The following RBM5 variants were observed in gnomAD, a reference collection of about 807,000 sequenced individuals.
RBM5 encodes the protein RNA-binding protein 5.
RBM5 carries 15 observed loss-of-function variants against 124.6 expected under a neutral mutation model. The observed-to-expected ratio is 0.12, with a 90% confidence interval of 0.08 to 0.19. RBM5 has a LOEUF of 0.19. Ranked by LOEUF, RBM5 falls within the 10% of genes least tolerant of loss-of-function variation. RBM5 has a pLI of 1.00. For synonymous variants in RBM5, 337 were observed against 361.2 expected, an observed-to-expected ratio of 0.93 and a Z score of 0.76; for missense variants, 580 against 1,026.5, an observed-to-expected ratio of 0.57 and a Z score of 5.94.
intron 24 of RBM5, 194 bp from the exon 25 acceptor site, chr3:50,118,137 T>C (rs902355376): frequency 9.8e-6 from 7 of 712,092 alleles, no homozygotes; most frequent in East Asian, 2.8e-5. Context: ...CATCTGCCTG[T>C]GTTCCGTAGC....
rs746568331 is a variant in RBM5, at chr3:50,107,118, G to A, written c.953+254G>A. On this transcript the variant is annotated intron_variant, in intron 11 of 24. Transcript: ENST00000347869. Reference sequence around the variant, plus strand: ...TATGGCAGATGGGTTGAGAACACATGCTTTGCAAACTGCAGCAGTATAGTG... The same window carrying A: ...TATGGCAGATGGGTTGAGAACACATACTTTGCAAACTGCAGCAGTATAGTG... 5.9e-6 allele frequency: 4 copies of A among 675,480 alleles called. No individual in the cohort carries two copies. In the South Asian group the frequency reaches 6.0e-5, roughly 10 times the overall value. 41.8% of individuals were successfully genotyped at this position (675,480 alleles called of 1,614,324 possible).
intron 15 of RBM5, 158 bp downstream of exon 15, chr3:50,109,846 A>T: frequency 1.8e-6 from 1 of 559,560 alleles, no homozygotes; most frequent in Non-Finnish European, 3.1e-6. Context: ...TTTATGATAT[A>T]TATGTGCATG....
intron 17 of RBM5, 96 bp downstream of exon 17, chr3:50,110,866 A>G (rs1202152591): frequency 8.9e-6 from 9 of 1,009,368 alleles, no homozygotes; most frequent in African/African-American, 3.3e-5. Context: ...AAAAGAATAT[A>G]TGACTCAGAT....
chr3:50,104,547 G>T, intron 8 of RBM5: 1 of 466,522 alleles, frequency 2.1e-6, no homozygotes, highest in African/African-American at 2.0e-5. Context: ...GGAGGTTTAG[G>T]TGAGAGGATT....
intron 7 of RBM5, among the ~76,000 whole-genome samples, chr3:50,103,438 G>T (rs2090977443): frequency 6.6e-6 from 1 of 152,220 alleles, no homozygotes; most frequent in African/African-American, 2.4e-5. Context: ...CTTGAGGCCA[G>T]GGGTTAGAGA....
At chr3:50,115,689 C>A in intron 21 of RBM5, 82 bp downstream of exon 21, 1 of 1,462,292 alleles carries the variant, frequency 6.8e-7, no homozygotes, top group South Asian at 1.3e-5. Flanking sequence ...CTGACGGTTC[C>A]AAAAATACCT....
At chr3:50,113,588 A>T (rs769853878) in intron 18 of RBM5, 44 bp downstream of exon 18, 1 of 1,553,156 alleles carries the variant, frequency 6.4e-7, no homozygotes, top group Admixed American at 2.1e-5. Flanking sequence ...TATTGGGCTG[A>T]ACTCTTAGTT....
intron 17 of RBM5, among the ~76,000 whole-genome samples, chr3:50,111,251 C>G (rs1009638651): frequency 1.3e-5 from 2 of 152,156 alleles, no homozygotes; most frequent in Admixed American, 1.3e-4. Flanking sequence ...GTGTACAAAT[C>G]AGTGGCTTTT....
At chr3:50,106,190 G>A (rs1381238153) in intron 10 of RBM5, among the ~76,000 whole-genome samples, 1 of 131,558 alleles carries the variant, frequency 7.6e-6, no homozygotes, top group Non-Finnish European at 1.6e-5. Context: ...GCTGGATGGA[G>A]TGCAGTGGTG....
intron 1 of RBM5, 107 bp from the exon 2 acceptor site, chr3:50,090,275 G>T (rs1267470829): frequency 5.9e-6 from 4 of 680,262 alleles, no homozygotes; most frequent in South Asian, 2.0e-5. Context: ...CACTGTCAAT[G>T]ATTTGAAGGT....
chr3:50,106,118 ATTTTTTTTTTTTT>A (rs61297967), intron 10 of RBM5, among the ~76,000 whole-genome samples: 238 of 32,748 alleles, frequency 7.3e-3, no homozygotes, highest in Non-Finnish European at 0.012. Flanking sequence ...ACGCCCAGCT[ATTTTTTTTTTTTT>A]TTTTTTTTTT....
At chr3:50,108,038 G>A in intron 12 of RBM5, 32 bp from the exon 13 acceptor site, 2 of 1,555,546 alleles carry the variant, frequency 1.3e-6, no homozygotes, top group South Asian at 1.1e-5. Context: ...TGCCTACTAA[G>A]TTTGTCTTTG....
chr3:50,102,013 C>CA lies in RBM5; in HGVS notation c.484-1066dup. On this transcript the variant is annotated intron_variant, in intron 6 of 24. Coordinates refer to ENST00000347869, the MANE Select transcript of RBM5 (RefSeq NM_005778.4). ...GTCTTGCCTTTAGATATCGCAGAGA[C>CA]AAAATTCACAGCATGTCTTAAATCT... 1.3e-5 allele frequency: 2 copies of CA among 152,274 alleles called. 1 individual carries two copies. The highest frequency in any genetic ancestry group is 4.1e-4 in the South Asian group (2 of 4,826). The allele number at this position is 152,274 out of a possible 1,614,324, so 9.4% of individuals were successfully genotyped here.
intron 21 of RBM5, 89 bp from the exon 22 acceptor site, chr3:50,115,817 C>G (rs2091240283): frequency 2.2e-6 from 3 of 1,347,946 alleles, no homozygotes; most frequent in Non-Finnish European, 3.2e-6. Flanking sequence ...GGCTTTGGCT[C>G]TTAAAGTACA....
intron 6 of RBM5, 82 bp from the exon 7 acceptor site, chr3:50,103,001 T>G (rs2090969640): frequency 8.8e-7 from 1 of 1,133,680 alleles, no homozygotes; most frequent in Non-Finnish European, 1.3e-6. Context: ...AGAGCACTGA[T>G]TTTTCCGAAG....
chr3:50,107,310 G>A (rs565352761), intron 11 of RBM5, among the ~76,000 whole-genome samples, 172 bp from the exon 12 acceptor site: 47 of 152,312 alleles, frequency 3.1e-4, no homozygotes, highest in African/African-American at 9.9e-4. Context: ...TGATACTACA[G>A]GGCCACTTGC....
intron 4 of RBM5, among the ~76,000 whole-genome samples, chr3:50,095,133 G>A (rs1448063001): frequency 3.9e-5 from 6 of 152,074 alleles, no homozygotes; most frequent in South Asian, 2.1e-4. Context: ...CCTGGGAGGC[G>A]GAGTTTACAA....
intron 20 of RBM5, chr3:50,114,540 A>C: frequency 2.7e-6 from 1 of 373,818 alleles, no homozygotes; most frequent in Non-Finnish European, 4.7e-6. Flanking sequence ...AAATTAAGAC[A>C]AGAAAAAGCT....
intron 1 of RBM5, among the ~76,000 whole-genome samples, chr3:50,089,612 C>CCCCA (rs2090666171): frequency 6.6e-6 from 1 of 152,230 alleles, no homozygotes; most frequent in Non-Finnish European, 1.5e-5. Flanking sequence ...ACTTGTTTCC[C>CCCCA]CCCAGTGGTT....
Sources: gnomAD v4.1 joint callset for allele counts (sites outside exome capture counted in the v4.1 genomes callset) on GRCh38, gnomAD v4.1.1 for gene constraint, MANE v1.5 for transcripts, NCBI Gene and HGNC (gene_info 2026-07-23, HGNC 2026-07-21) for gene names.